MAP7D2: variants seen among roughly 807,000 people sequenced by gnomAD.
MAP7D2 encodes the protein MAP7 domain-containing protein 2.
A neutral mutation model predicts 63.5 loss-of-function variants in MAP7D2; 33 were observed. That is an observed-to-expected ratio of 0.52 (90% CI 0.39 to 0.70). MAP7D2 has a LOEUF of 0.70. MAP7D2 is among the 30% of genes least tolerant of loss of function. MAP7D2 has a pLI of 0.00. For missense variants in MAP7D2, 626 were observed against 604.0 expected (o/e 1.04, Z -0.38); for synonymous variants, 224 against 223.7 (o/e 1.00, Z -0.01).
Position 20,064,747 on chromosome X carries a change from T to C in MAP7D2, c.189A>G (p.Glu63=), listed in dbSNP as rs764006550. 1 of 1,211,321 alleles carries C rather than the reference T, an allele frequency of 8.3e-7. No homozygotes were observed. The highest frequency in any genetic ancestry group is 1.8e-5 in the South Asian group (1 of 56,988). The change falls in exon 2 of 17, where the codon GAA becomes GAG. Residue 63 remains glutamate (E), a synonymous_variant. Transcript: ENST00000379643. ...ERQRLAKERR[E]EREKCLAARE... is the part of the protein sequence containing the mutation. ...ACTTACCCAGACATTTTTCTCTTTC[T>C]TCTCGTCTTTCTTTGGCCAATCTCT...
chrX:20,018,989 C>A (rs923898577), intron 10 of MAP7D2, among the ~76,000 whole-genome samples: 4 of 110,879 alleles, frequency 3.6e-5, no homozygotes, highest in Non-Finnish European at 7.6e-5. Context: ...GCCGTCATTA[C>A]TAAACCTCCA....
rs1158265949 is a variant in MAP7D2 at position 20,016,242 on chromosome X, C to T, written c.1496G>A (p.Arg499Lys). Residue 499 changes from arginine to lysine, a missense_variant, in exon 11 of 17, where the codon AGG becomes AAG. Transcript: ENST00000379643. ...TTTCTTTTCCTCTTCCTGCCGCTTC[C>T]TTTCTTCTTCCTGCTTTCGGGCTTC... ...EEEARKQEEE[R>K]KRQEEEKKKQ... 1 of 1,209,687 alleles carries T rather than the reference C, an allele frequency of 8.3e-7. No homozygotes were observed. The highest frequency in any genetic ancestry group is 1.1e-6 in the Non-Finnish European group (1 of 894,446).
chrX:20,087,723 A>G (rs780256419), intron 1 of MAP7D2, among the ~76,000 whole-genome samples: 1 of 111,361 alleles, frequency 9.0e-6, no homozygotes, highest in East Asian at 2.8e-4. Flanking sequence ...ATTACTTAGT[A>G]AAATATTTAA....
chrX:20,044,562 G>A (rs771194235), intron 6 of MAP7D2, 38 bp from the exon 7 acceptor site: 2 of 1,152,182 alleles, frequency 1.7e-6, no homozygotes, highest in South Asian at 3.7e-5. Context: ...AGGACAGAGA[G>A]TACAGATGGA....
chrX:20,038,456 C>T (rs1052470779), intron 8 of MAP7D2, among the ~76,000 whole-genome samples: 2 of 111,713 alleles, frequency 1.8e-5, no homozygotes, highest in Non-Finnish European at 3.8e-5. Context: ...GTCACAATTA[C>T]AATGCCAATT....
intron 4 of MAP7D2, among the ~76,000 whole-genome samples, chrX:20,054,064 G>A (rs1425625870): frequency 2.7e-5 from 3 of 111,937 alleles, no homozygotes; most frequent in Admixed American, 9.4e-5. Context: ...GGATGGTCTC[G>A]ATCTCTTGAC....
intron 8 of MAP7D2, among the ~76,000 whole-genome samples, chrX:20,037,869 C>G (rs2064540146): frequency 8.9e-6 from 1 of 111,740 alleles, no homozygotes; most frequent in Non-Finnish European, 1.9e-5. Flanking sequence ...TTTTAATAAT[C>G]AAGTGGATAG....
At chrX:20,107,313 G>A (rs769604399) in intron 1 of MAP7D2, among the ~76,000 whole-genome samples, 2 of 111,430 alleles carry the variant, frequency 1.8e-5, no homozygotes, top group South Asian at 7.5e-4. Flanking sequence ...GCTCAAACCT[G>A]TAATCCCAGC....
At chrX:20,103,137 T>A (rs913442708) in intron 1 of MAP7D2, among the ~76,000 whole-genome samples, 1 of 111,697 alleles carries the variant, frequency 9.0e-6, no homozygotes, top group Non-Finnish European at 1.9e-5. Context: ...TAGGGTGTGG[T>A]TGAGGTCCCT....
intron 8 of MAP7D2, among the ~76,000 whole-genome samples, chrX:20,033,951 G>T: frequency 9.0e-6 from 1 of 111,414 alleles, no homozygotes; most frequent in African/African-American, 3.3e-5. Context: ...ATGGCCGGGC[G>T]CGGTGGCTCA....
chrX:20,055,832 C>T (rs745839541), intron 4 of MAP7D2: 1 of 951,460 alleles, frequency 1.1e-6, no homozygotes, highest in Non-Finnish European at 1.4e-6. Context: ...TTCTGATTCA[C>T]CTACACAGCA....
intron 1 of MAP7D2, among the ~76,000 whole-genome samples, chrX:20,075,329 T>C (rs2065615835): frequency 9.0e-6 from 1 of 111,054 alleles, no homozygotes; most frequent in Admixed American, 9.6e-5. Flanking sequence ...GTTATTGGGC[T>C]TTCATTACAC....
chrX:20,020,332 C>A (rs1338684989), intron 10 of MAP7D2, among the ~76,000 whole-genome samples: 1 of 111,308 alleles, frequency 9.0e-6, no homozygotes, highest in Non-Finnish European at 1.9e-5. Flanking sequence ...TCACAAGCAA[C>A]CCTCCTCAGT....
In MAP7D2 at chrX:20,042,624, C is replaced by T. The variant is rs150056046; in HGVS notation, c.885G>A (p.Glu295=). ...CTGTTCGTTGCCCCCGCTTCACCTT[C>T]TCCACCTGTAGGGGACACAGGATAG... ...ALSGGEASLV[E]KVKRGQRTAT... is the part of the protein sequence containing the mutation. The change falls in exon 8 of 17, where the codon GAG becomes GAA. Residue 295 remains glutamate, a synonymous_variant. Coordinates refer to ENST00000379643, the MANE Select transcript of MAP7D2 (RefSeq NM_001168465.2). The T allele has an allele frequency of 6.2e-5, 75 of 1,209,854 alleles. No individual in the cohort carries two copies. In the African/African-American group the frequency reaches 9.6e-4, roughly 16 times the overall value.
At chrX:20,033,022 TA>T (rs1754472041) in intron 8 of MAP7D2, among the ~76,000 whole-genome samples, 1 of 111,455 alleles carries the variant, frequency 9.0e-6, no homozygotes, top group East Asian at 2.8e-4. Context: ...AACTGCCAGG[TA>T]GGAAAATGGC....
intron 8 of MAP7D2, among the ~76,000 whole-genome samples, chrX:20,042,261 T>C (rs911397034): frequency 9.0e-6 from 1 of 111,593 alleles, no homozygotes; most frequent in Non-Finnish European, 1.9e-5. Flanking sequence ...AAATGCTGAA[T>C]GCATCATCTT....
At chrX:20,092,363 G>A (rs1466385665) in intron 1 of MAP7D2, among the ~76,000 whole-genome samples, 1 of 111,009 alleles carries the variant, frequency 9.0e-6, no homozygotes, top group Admixed American at 9.7e-5. Flanking sequence ...CCCTACCAAT[G>A]TCTCTCCCAA....
At chrX:20,044,585 G>C (rs778824404) in intron 6 of MAP7D2, 61 bp from the exon 7 acceptor site, 66 of 1,029,535 alleles carry the variant, frequency 6.4e-5, no homozygotes, top group Non-Finnish European at 8.4e-5. Context: ...AAGTAGAGCA[G>C]AGAGTTGGGA....
chrX:20,077,827 C>T (rs911116721), intron 1 of MAP7D2, among the ~76,000 whole-genome samples: 3 of 111,926 alleles, frequency 2.7e-5, no homozygotes, highest in Non-Finnish European at 5.6e-5. Context: ...ATACTAGAAA[C>T]ATGTATATGT....
Sources: gnomAD v4.1 joint callset for allele counts (sites outside exome capture counted in the v4.1 genomes callset) on GRCh38, gnomAD v4.1.1 for gene constraint, MANE v1.5 for transcripts, NCBI Gene and HGNC (gene_info 2026-07-23, HGNC 2026-07-21) for gene names.